KLHL1: variants seen among roughly 807,000 people sequenced by gnomAD.
The protein encoded by KLHL1 is kelch like family member 1.
KLHL1 carries 47 observed loss-of-function variants against 77.7 expected under a neutral mutation model. The ratio of observed to expected loss-of-function variants is 0.60; its 90% CI spans 0.48 to 0.77. The LOEUF (loss-of-function observed/expected upper bound fraction) is 0.77, where lower values mean the gene tolerates loss of function less well. Ranked by LOEUF, KLHL1 falls within the 30% of genes least tolerant of loss-of-function variation. KLHL1 has a pLI of 0.00. For synonymous variants in KLHL1, 360 were observed against 325.2 expected, an observed-to-expected ratio of 1.11 and a Z score of -1.15; for missense variants, 925 against 910.8, an observed-to-expected ratio of 1.02 and a Z score of -0.20.
At chr13:69,924,145 G>A (rs1882735918) in intron 4 of KLHL1, among the ~76,000 whole-genome samples, 1 of 152,204 alleles carries the variant, frequency 6.6e-6, no homozygotes, top group South Asian at 2.1e-4. Flanking sequence ...AGGGAGCTTG[G>A]TGCTGGCTTG....
At chr13:69,771,517 A>G (rs528216926) in intron 7 of KLHL1, among the ~76,000 whole-genome samples, 2 of 152,310 alleles carry the variant, frequency 1.3e-5, no homozygotes, top group Non-Finnish European at 2.9e-5. Flanking sequence ...AGCTTCAACT[A>G]AGGTCTCTTG....
intron 5 of KLHL1, among the ~76,000 whole-genome samples, chr13:69,876,694 G>C (rs1880776663): frequency 6.6e-6 from 1 of 152,104 alleles, no homozygotes; most frequent in South Asian, 2.1e-4. Flanking sequence ...AGAATCAGTA[G>C]GTTTGATTGT....
chr13:70,003,305 AAG>A (rs1484308075), intron 1 of KLHL1, among the ~76,000 whole-genome samples: 1 of 151,770 alleles, frequency 6.6e-6, no homozygotes, highest in Non-Finnish European at 1.5e-5. Flanking sequence ...GAAAATGTAA[AAG>A]AGTCAGAGAA....
Position 69,719,568 on chromosome 13 carries a change from C to A in KLHL1, c.1816G>T (p.Gly606Ter). The part of the protein sequence containing the change: ...AALNGKLYSV[G>*]GRDGSSCLSS... ...AAACAGGAACTTCCATCACGACCTC[C>A]AACTGAATACAACCTAAAAACACAA... The change falls in exon 9 of 11, where the codon GGA becomes TGA. Residue 606 changes from glycine (G) to a stop codon, truncating the protein, a stop_gained. Transcript: ENST00000377844. LOFTEE classifies it high-confidence loss of function. 6.2e-7 allele frequency: 1 copy of A among 1,610,448 alleles called. No individual in the cohort carries two copies. The highest frequency in any genetic ancestry group is 8.5e-7 in the Non-Finnish European group (1 of 1,178,246).
At chr13:69,909,188 A>G (rs1391096712) in intron 4 of KLHL1, among the ~76,000 whole-genome samples, 2 of 151,716 alleles carry the variant, frequency 1.3e-5, no homozygotes, top group African/African-American at 2.4e-5. Flanking sequence ...AAAGTGGAAT[A>G]TATTTGTAAG....
At chr13:69,912,668 C>G (rs1329897173) in intron 4 of KLHL1, among the ~76,000 whole-genome samples, 3 of 152,110 alleles carry the variant, frequency 2.0e-5, no homozygotes, top group Non-Finnish European at 4.4e-5. Context: ...TGTAAGAACA[C>G]AGCTGTTGTA....
intron 6 of KLHL1, among the ~76,000 whole-genome samples, chr13:69,823,984 G>GTA (rs1300584985): frequency 6.6e-6 from 1 of 151,848 alleles, no homozygotes; most frequent in Admixed American, 6.6e-5. Flanking sequence ...ATGTGTGTGT[G>GTA]TATATATATG....
At chr13:69,778,955 T>C (rs886244356) in intron 7 of KLHL1, among the ~76,000 whole-genome samples, 1 of 151,790 alleles carries the variant, frequency 6.6e-6, no homozygotes, top group African/African-American at 2.4e-5. Context: ...CACGCCACCA[T>C]ACCCAGATTA....
At chr13:69,760,205 C>T (rs923120627) in intron 7 of KLHL1, among the ~76,000 whole-genome samples, 1 of 152,130 alleles carries the variant, frequency 6.6e-6, no homozygotes, top group African/African-American at 2.4e-5. Context: ...AGCATACTCT[C>T]TGCCTAGACT....
intron 4 of KLHL1, among the ~76,000 whole-genome samples, chr13:69,936,963 G>A (rs564132701): frequency 2.0e-4 from 30 of 152,198 alleles, no homozygotes; most frequent in African/African-American, 6.7e-4. Flanking sequence ...GCAACTGCCC[G>A]TGGAGAATAA....
chr13:70,107,649 GAGT>G lies in KLHL1; in HGVS notation c.48_50del (p.Leu17del). 1.3e-6 allele frequency: 2 copies of G among 1,551,342 alleles called. No homozygotes were observed. The highest frequency in any genetic ancestry group is 8.7e-7 in the Non-Finnish European group (1 of 1,153,340). ...ACGGGTGGCTGAAGAGTTTCCAGCG[GAGT>G]CGCAGAATGTGCTTCACATCGAAGT... On this transcript the variant is annotated inframe_deletion, in exon 1 of 11. Transcript: ENST00000377844.
chr13:70,001,571 T>A (rs1278338894), intron 1 of KLHL1, among the ~76,000 whole-genome samples: 2 of 129,662 alleles, frequency 1.5e-5, no homozygotes, highest in Non-Finnish European at 3.3e-5. Context: ...TATCTATCTA[T>A]GATCTATGTG....
At chr13:69,720,243 A>C (rs1249231942) in intron 8 of KLHL1, among the ~76,000 whole-genome samples, 1 of 152,056 alleles carries the variant, frequency 6.6e-6, no homozygotes, top group Non-Finnish European at 1.5e-5. Flanking sequence ...GAACCCCCCC[A>C]AAATAAGTTA....
At chr13:69,935,659 C>T (rs999919960) in intron 4 of KLHL1, among the ~76,000 whole-genome samples, 1 of 151,972 alleles carries the variant, frequency 6.6e-6, no homozygotes, top group African/African-American at 2.4e-5. Context: ...GAAGAAAGAA[C>T]AAGCACAAGA....
chr13:69,788,624 C>T (rs1033733297), intron 7 of KLHL1, among the ~76,000 whole-genome samples: 1 of 151,950 alleles, frequency 6.6e-6, no homozygotes, highest in African/African-American at 2.4e-5. Context: ...AACAAACCTG[C>T]ACATTGTGTA....
chr13:69,783,979 T>G (rs1876372598), intron 7 of KLHL1, among the ~76,000 whole-genome samples: 2 of 152,152 alleles, frequency 1.3e-5, no homozygotes, highest in Admixed American at 1.3e-4. Flanking sequence ...GACTAACAGC[T>G]GATCTCTCAG....
chr13:69,734,476 T>C (rs899598375), intron 8 of KLHL1, among the ~76,000 whole-genome samples: 3 of 142,084 alleles, frequency 2.1e-5, no homozygotes, highest in Non-Finnish European at 4.6e-5. Context: ...ATACTATAAT[T>C]TGTTAAATTC....
At chr13:69,931,649 G>A (rs1234966050) in intron 4 of KLHL1, among the ~76,000 whole-genome samples, 1 of 151,590 alleles carries the variant, frequency 6.6e-6, no homozygotes, top group South Asian at 2.1e-4. Flanking sequence ...GGCTCACTAG[G>A]TTTTATATTT....
intron 7 of KLHL1, among the ~76,000 whole-genome samples, chr13:69,750,773 T>G (rs1214707079): frequency 6.6e-6 from 1 of 152,062 alleles, no homozygotes; most frequent in Non-Finnish European, 1.5e-5. Context: ...GCTTGAGCCA[T>G]AGAAAAAAAT....
Sources: allele counts gnomAD v4.1 joint callset (sites outside exome capture counted in the v4.1 genomes callset), GRCh38; gene constraint gnomAD v4.1.1; transcripts MANE v1.5; gene names NCBI Gene and HGNC (gene_info 2026-07-23, HGNC 2026-07-21).